WEE2: variants seen among roughly 807,000 people sequenced by gnomAD.
The protein encoded by WEE2 is WEE2 oocyte meiosis inhibiting kinase.
Under a neutral mutation model 60.1 loss-of-function variants are expected in WEE2, and 50 were observed. That is an observed-to-expected ratio of 0.83 (90% confidence interval 0.66 to 1.05). The LOEUF is 1.05. WEE2 is among the 50% of genes least tolerant of loss of function. WEE2 has a pLI of 0.00. For synonymous variants in WEE2, 240 were observed against 241.0 expected (o/e 1.00, Z 0.04); for missense variants, 631 against 684.3 (o/e 0.92, Z 0.87).
intron 3 of WEE2, among the ~76,000 whole-genome samples, chr7:141,718,057 A>T (rs1199987386): frequency 6.6e-6 from 1 of 152,214 alleles, no homozygotes; most frequent in Admixed American, 6.5e-5. Flanking sequence ...TAGCCAATCC[A>T]GACAAGAAGG....
Position 141,709,888 on chromosome 7 carries a change from G to A in WEE2, c.342+788G>A, listed in dbSNP as rs563311540. Among the ~76,000 whole-genome samples, 164 of 152,300 alleles carry A rather than the reference G, an allele frequency of 1.1e-3. 2 individuals are homozygous for A. The highest frequency in any genetic ancestry group is 3.8e-3 in the African/African-American group (159 of 41,570). On this transcript the variant is annotated intron_variant, in intron 1 of 11. Coordinates refer to ENST00000397541, the MANE Select transcript of WEE2 (RefSeq NM_001105558.1). Reference sequence around the variant, plus strand: ...CTAATCAACTCTGGTGCCATGGTGTGTGAGTCCTAGGATTGGTATTAGCTC... The same window carrying A: ...CTAATCAACTCTGGTGCCATGGTGTATGAGTCCTAGGATTGGTATTAGCTC...
chr7:141,710,447 ACCT>A (rs1181826652), intron 1 of WEE2, among the ~76,000 whole-genome samples: 4 of 152,186 alleles, frequency 2.6e-5, no homozygotes, highest in African/African-American at 9.7e-5. Flanking sequence ...TTAACTGAAC[ACCT>A]TGATGTGTTA....
At chr7:141,713,736 T>A (rs184635039) in intron 1 of WEE2, among the ~76,000 whole-genome samples, 1 of 152,336 alleles carries the variant, frequency 6.6e-6, no homozygotes, top group Non-Finnish European at 1.5e-5. Flanking sequence ...ATATATTCCT[T>A]AAGATTTAGA....
Position 141,709,093 on chromosome 7 carries a change from C to T in WEE2, c.335C>T (p.Thr112Ile). 1 of 1,612,412 alleles carries T rather than the reference C, an allele frequency of 6.2e-7. No homozygotes were observed. ...SKLLPSDSPS[T>I]PKTMLSRLVI... ...CTGCTGCCCAGTGACAGCCCCTCTA[C>T]TCCCAAAGTAAGTAAGGGGTGGGGG... Residue 112 changes from threonine to isoleucine, a missense_variant, in exon 1 of 12, where the codon ACT becomes ATT. Thr to Ile is a moderately conservative substitution (Grantham distance 89). Transcript: ENST00000397541.
chr7:141,719,687 G>GA (rs1349555027), intron 4 of WEE2, among the ~76,000 whole-genome samples: 9 of 152,190 alleles, frequency 5.9e-5, no homozygotes, highest in Non-Finnish European at 1.2e-4. Flanking sequence ...TTGACCTTGT[G>GA]ATCTGCCTGC....
At chr7:141,710,281 T>G (rs1798690326) in intron 1 of WEE2, among the ~76,000 whole-genome samples, 1 of 152,158 alleles carries the variant, frequency 6.6e-6, no homozygotes, top group Non-Finnish European at 1.5e-5. Flanking sequence ...GCTGGACAGA[T>G]TCTCAGTGTG....
chr7:141,718,911 G>C (rs1798853892), intron 3 of WEE2, among the ~76,000 whole-genome samples, 161 bp from the exon 4 acceptor site: 1 of 152,156 alleles, frequency 6.6e-6, no homozygotes, highest in Non-Finnish European at 1.5e-5. Context: ...CAATTGGGGA[G>C]ATTCTTGCTA....
chr7:141,725,213 G>C lies in WEE2; in HGVS notation c.1392+17G>C. The C allele has an allele frequency of 6.2e-7, 1 of 1,604,070 alleles. No homozygotes were observed. Among genetic ancestry groups the C allele is most frequent in the Non-Finnish European group, 8.5e-7 (1 of 1,175,974 alleles). Reference sequence around the variant, plus strand: ...CTGCTCAAGGTGATAGCTCTTACGAGATGAACAGAAGATGCAATATCTATT... The same window carrying C: ...CTGCTCAAGGTGATAGCTCTTACGACATGAACAGAAGATGCAATATCTATT... On this transcript the variant is annotated intron_variant, in intron 9 of 11. Transcript: ENST00000397541.
At chr7:141,726,481 CCTT>C (rs1256342676) in intron 9 of WEE2, among the ~76,000 whole-genome samples, 2 of 152,096 alleles carry the variant, frequency 1.3e-5, no homozygotes, top group Admixed American at 6.6e-5. Context: ...ACAAATCTGT[CCTT>C]CTTCCTGACT....
At chr7:141,722,506 G>A (rs1461401097) in intron 5 of WEE2, among the ~76,000 whole-genome samples, 3 of 152,120 alleles carry the variant, frequency 2.0e-5, no homozygotes, top group African/African-American at 4.8e-5. Context: ...ACAATAAATC[G>A]AGTACAGTTG....
chr7:141,713,720 T>C (rs1798745663), intron 1 of WEE2, among the ~76,000 whole-genome samples: 1 of 152,242 alleles, frequency 6.6e-6, no homozygotes, highest in Non-Finnish European at 1.5e-5. Context: ...TGCTGAATAA[T>C]GAACTATATA....
chr7:141,715,840 C>T (rs998533083), intron 2 of WEE2, among the ~76,000 whole-genome samples: 2 of 152,168 alleles, frequency 1.3e-5, no homozygotes, highest in African/African-American at 4.8e-5. Context: ...TCTTGGTTTC[C>T]TAGTTTGGGG....
At chr7:141,721,634 A>ATT (rs1051290672) in intron 5 of WEE2, among the ~76,000 whole-genome samples, 1 of 150,160 alleles carries the variant, frequency 6.7e-6, no homozygotes, top group African/African-American at 2.4e-5. Context: ...AATTTTTTGT[A>ATT]TTTTTTTTTA....
chr7:141,721,099 C>T, intron 5 of WEE2, 43 bp downstream of exon 5: 1 of 1,610,400 alleles, frequency 6.2e-7, no homozygotes, highest in Non-Finnish European at 8.5e-7. Flanking sequence ...GGGAGATGAA[C>T]TTTATAAGCC....
At chr7:141,716,374 C>T in intron 3 of WEE2, 107 bp downstream of exon 3, 1 of 1,074,700 alleles carries the variant, frequency 9.3e-7, no homozygotes, top group Admixed American at 2.0e-5. Flanking sequence ...TCCCTTCTTC[C>T]CTACCCTCCC....
chr7:141,729,414 GC>G, intron 10 of WEE2, 116 bp from the exon 11 acceptor site: 1 of 1,370,596 alleles, frequency 7.3e-7, no homozygotes, highest in Non-Finnish European at 1.0e-6. Flanking sequence ...CATAGCTCAG[GC>G]TTTTCGTTTC....
At chr7:141,710,648 T>C (rs530776479) in intron 1 of WEE2, among the ~76,000 whole-genome samples, 2 of 152,310 alleles carry the variant, frequency 1.3e-5, no homozygotes, top group South Asian at 4.1e-4. Flanking sequence ...GTTTGAGAGA[T>C]GTCTTAAAGG....
chr7:141,722,965 G>T lies in WEE2; in HGVS notation c.881-169G>T, dbSNP rs182485710. ...TGAAGGCATTCATGAGGAATGTATT[G>T]ATCAGAGTACTATGCCATTTTATAC... On this transcript the variant is annotated intron_variant, in intron 5 of 11. Coordinates refer to ENST00000397541, the MANE Select transcript of WEE2 (RefSeq NM_001105558.1). Among the ~76,000 whole-genome samples, 512 of 152,290 alleles carry T rather than the reference G, an allele frequency of 3.4e-3. 1 individual carries two copies. Among genetic ancestry groups the T allele is most frequent in the Non-Finnish European group, 5.9e-3 (401 of 68,020 alleles).
At chr7:141,717,162 A>G (rs1406504038) in intron 3 of WEE2, among the ~76,000 whole-genome samples, 1 of 152,246 alleles carries the variant, frequency 6.6e-6, no homozygotes, top group African/African-American at 2.4e-5. Context: ...TTGCACATTA[A>G]TCACAGGGAG....
Sources: allele counts gnomAD v4.1 joint callset (sites outside exome capture counted in the v4.1 genomes callset), GRCh38; gene constraint gnomAD v4.1.1; transcripts MANE v1.5; gene names NCBI Gene and HGNC (gene_info 2026-07-23, HGNC 2026-07-21).